Variants in ZC3H12B observed in about 807,000 individuals in gnomAD.
The protein encoded by ZC3H12B is zinc finger CCCH-type containing 12B.
Under a neutral mutation model 43.9 loss-of-function variants are expected in ZC3H12B, and 7 were observed. The ratio of observed to expected loss-of-function variants is 0.16; its 90% CI spans 0.09 to 0.30. ZC3H12B has a LOEUF of 0.30. Ranked by LOEUF, ZC3H12B falls within the 10% of genes least tolerant of loss-of-function variation. The probability of loss-of-function intolerance (pLI) is 1.00; values close to 1 mark genes in which losing one functional copy is unlikely to be tolerated. For synonymous variants in ZC3H12B, 222 were observed against 241.7 expected (o/e 0.92, Z 0.76); for missense variants, 475 against 670.2 (o/e 0.71, Z 3.22).
At chrX:65,154,945 C>G in the ZC3H12B span, among the ~76,000 whole-genome samples, 2 of 109,957 alleles carry the variant, frequency 1.8e-5, no homozygotes, top group African/African-American at 6.6e-5. Flanking sequence ...AGGAAGTTCC[C>G]TTCTATTTCT....
chrX:65,110,884 G>C, the ZC3H12B span, among the ~76,000 whole-genome samples: 2 of 110,705 alleles, frequency 1.8e-5, no homozygotes, highest in South Asian at 7.5e-4. Flanking sequence ...CATCTATTTA[G>C]ATCTCCCCTA....
At chrX:65,145,512 T>G in the ZC3H12B span, among the ~76,000 whole-genome samples, 1 of 111,937 alleles carries the variant, frequency 8.9e-6, no homozygotes, top group Non-Finnish European at 1.9e-5. Context: ...TTCTTCGTGC[T>G]ATTTGCTGCC....
the ZC3H12B span, among the ~76,000 whole-genome samples, chrX:65,166,169 A>T: frequency 2.7e-5 from 3 of 110,741 alleles, no homozygotes; most frequent in Non-Finnish European, 5.7e-5. Flanking sequence ...TACATTAGGT[A>T]TATCTCCTAA....
the ZC3H12B span, among the ~76,000 whole-genome samples, chrX:65,035,400 C>T: frequency 1.8e-5 from 2 of 112,499 alleles, no homozygotes; most frequent in Non-Finnish European, 3.8e-5. Context: ...TCGCGGCTCT[C>T]TATTCCCTTC....
the ZC3H12B span, among the ~76,000 whole-genome samples, chrX:65,189,924 G>A: frequency 9.3e-6 from 1 of 108,088 alleles, no homozygotes; most frequent in Non-Finnish European, 1.9e-5. Flanking sequence ...GGTTTTTATG[G>A]TTTTAGGTCT....
chrX:65,449,787 G>C (rs1264149106), intron 3 of ZC3H12B, among the ~76,000 whole-genome samples: 1 of 111,308 alleles, frequency 9.0e-6, no homozygotes, highest in African/African-American at 3.3e-5. Flanking sequence ...TCACTTATAA[G>C]TGGGAGCTAA....
chrX:65,182,592 G>C, the ZC3H12B span, among the ~76,000 whole-genome samples: 1 of 109,983 alleles, frequency 9.1e-6, no homozygotes, highest in Non-Finnish European at 1.9e-5. Flanking sequence ...TTAAACTAAA[G>C]AGCTTCTGCA....
intron 3 of ZC3H12B, among the ~76,000 whole-genome samples, chrX:65,445,287 G>A (rs1195169166): frequency 8.9e-6 from 1 of 112,002 alleles, no homozygotes; most frequent in African/African-American, 3.2e-5. Flanking sequence ...TGATGTCTGG[G>A]CATTGAAGAC....
At chrX:65,353,100 GC>G in the ZC3H12B span, among the ~76,000 whole-genome samples, 2 of 110,326 alleles carry the variant, frequency 1.8e-5, no homozygotes, top group Non-Finnish European at 3.8e-5. Flanking sequence ...CAAGCTATCT[GC>G]CCCCCCGGCC....
At chrX:65,134,893 C>A in the ZC3H12B span, among the ~76,000 whole-genome samples, 1 of 111,093 alleles carries the variant, frequency 9.0e-6, no homozygotes, top group African/African-American at 3.3e-5. Flanking sequence ...GGGTTGTTCT[C>A]TGGCAGGCAG....
intron 3 of ZC3H12B, among the ~76,000 whole-genome samples, chrX:65,450,066 G>T (rs969194247): frequency 7.4e-5 from 8 of 108,791 alleles, no homozygotes; most frequent in Middle Eastern, 4.7e-3. Context: ...CAACACTTTG[G>T]GAGGCTGAGG....
chrX:65,278,812 CT>C, the ZC3H12B span, among the ~76,000 whole-genome samples: 1 of 105,027 alleles, frequency 9.5e-6, no homozygotes, highest in Non-Finnish European at 2.0e-5. Flanking sequence ...ACCCTCCCCC[CT>C]CAAGTAGACC....
At chrX:65,242,755 A>C in the ZC3H12B span, among the ~76,000 whole-genome samples, 3 of 112,337 alleles carry the variant, frequency 2.7e-5, no homozygotes, top group South Asian at 7.3e-4. Context: ...TACCCAAAAC[A>C]TCATGATGCT....
the ZC3H12B span, among the ~76,000 whole-genome samples, chrX:65,223,970 G>A: frequency 3.6e-5 from 4 of 112,178 alleles, no homozygotes; most frequent in African/African-American, 1.3e-4. Context: ...GAGAGGAAAA[G>A]AAGTCATTAT....
At chrX:65,175,834 C>A in the ZC3H12B span, among the ~76,000 whole-genome samples, 22 of 111,936 alleles carry the variant, frequency 2.0e-4, no homozygotes, top group African/African-American at 7.1e-4. Context: ...AAAAACTGTG[C>A]CATGAGAGAC....
chrX:65,129,180 A>C, the ZC3H12B span, among the ~76,000 whole-genome samples: 2 of 107,856 alleles, frequency 1.9e-5, no homozygotes, highest in Admixed American at 1.0e-4. Context: ...ATTTTGATAT[A>C]TCTATAGTGT....
At chrX:65,408,707 C>T (rs1471010412) in intron 3 of ZC3H12B, 25 of 777,490 alleles carry the variant, frequency 3.2e-5, no homozygotes, top group Non-Finnish European at 4.7e-5. Context: ...CATACTCTTA[C>T]AGTGCTGCAA....
intron 2 of ZC3H12B, among the ~76,000 whole-genome samples, chrX:65,384,403 C>G (rs1443082688): frequency 1.8e-5 from 2 of 110,999 alleles, no homozygotes; most frequent in African/African-American, 6.6e-5. Context: ...GGGAGATATA[C>G]CTAATGCTAG....
chrX:65,086,498 A>AC, the ZC3H12B span, among the ~76,000 whole-genome samples: 1 of 111,310 alleles, frequency 9.0e-6, no homozygotes, highest in East Asian at 2.8e-4. Context: ...CCGCCACCGA[A>AC]ATCCATATGT....
Sources: gnomAD v4.1 joint callset for allele counts (sites outside exome capture counted in the v4.1 genomes callset) on GRCh38, gnomAD v4.1.1 for gene constraint, MANE v1.5 for transcripts, NCBI Gene and HGNC (gene_info 2026-07-23, HGNC 2026-07-21) for gene names.